CCDC171: variants seen among roughly 807,000 people sequenced by gnomAD.
CCDC171 encodes coiled-coil domain-containing protein 171.
CCDC171 carries 177 observed loss-of-function variants against 168.2 expected under a neutral mutation model. The observed-to-expected ratio is 1.05, with a 90% CI of 0.93 to 1.19. CCDC171 has a LOEUF of 1.19. Among genes scored for constraint, CCDC171 ranks in the 50% most tolerant of loss-of-function variants. The pLI is 0.00. For synonymous variants in CCDC171, 687 were observed against 540.8 expected (o/e 1.27, Z -3.75); for missense variants, 1,991 against 1,539.0 (o/e 1.29, Z -4.91).
At chr9:15,798,432 G>GT (rs763348236) in intron 21 of CCDC171, among the ~76,000 whole-genome samples, 4 of 150,990 alleles carry the variant, frequency 2.6e-5, no homozygotes, top group African/African-American at 7.3e-5. Flanking sequence ...CTTTTTTTTA[G>GT]TTTTTTAAAA....
In CCDC171 at chr9:15,650,827, C is replaced by T. The variant is rs865858479; in HGVS notation, c.823-6300C>T. Among the ~76,000 whole-genome samples the T allele has an allele frequency of 1.8e-4, 28 of 151,958 alleles. 1 individual carries two copies. Among genetic ancestry groups the T allele is most frequent in the Admixed American group, 6.6e-4 (10 of 15,266 alleles). On this transcript the variant is annotated intron_variant, in intron 7 of 25. Coordinates refer to ENST00000380701, the MANE Select transcript of CCDC171 (RefSeq NM_173550.4). ...TCAAGTCACTAGTTAGGCTATTCAT[C>T]ATCTTGAACATTGATCATTTCTATG...
chr9:15,953,787 G>C (rs1288565911), intron 25 of CCDC171, among the ~76,000 whole-genome samples: 1 of 152,116 alleles, frequency 6.6e-6, no homozygotes, highest in Non-Finnish European at 1.5e-5. Flanking sequence ...GAATTTATCA[G>C]TGAAGCCATT....
At chr9:15,679,620 G>A (rs1009070619) in intron 10 of CCDC171, among the ~76,000 whole-genome samples, 16 of 152,282 alleles carry the variant, frequency 1.1e-4, no homozygotes, top group Admixed American at 3.3e-4. Flanking sequence ...TGCAACCCTA[G>A]CTCACTGAAA....
Position 15,591,524 on chromosome 9 carries a change from A to G in CCDC171, c.511A>G (p.Lys171Glu), listed in dbSNP as rs767394379. 4 of 1,588,260 alleles carry G rather than the reference A, an allele frequency of 2.5e-6. No homozygotes were observed. The South Asian group carries it at 4.7e-5, about 19-fold the overall frequency. ...NCNREYDLLM[K>E]EKSRLEKTLQ... is the part of the protein sequence containing the mutation. ...CAATCGAGAATATGATTTACTTATGAAAGAAAAAAGCAGACTAGAGAAAAC... is the reference window on the plus strand; with the variant it reads ...CAATCGAGAATATGATTTACTTATGGAAGAAAAAAGCAGACTAGAGAAAAC... The change falls in exon 5 of 26, where the codon AAA (lysine) becomes GAA (glutamate). Residue 171 changes from lysine (K) to glutamate (E), a missense_variant. By Grantham distance (56) the Lys-to-Glu change is moderately conservative. Transcript: ENST00000380701.
At chr9:15,877,798 A>G (rs1818056207) in intron 24 of CCDC171, among the ~76,000 whole-genome samples, 1 of 152,154 alleles carries the variant, frequency 6.6e-6, no homozygotes. Flanking sequence ...CCTATTATTC[A>G]TTATCTTATA....
chr9:15,772,655 T>C (rs1210114057), intron 18 of CCDC171, among the ~76,000 whole-genome samples: 2 of 152,160 alleles, frequency 1.3e-5, no homozygotes, highest in South Asian at 2.1e-4. Flanking sequence ...TTTTGAGCCA[T>C]GTTTTAAGGA....
At position 15,600,661 on chromosome 9, in the gene CCDC171, G is replaced by A. The variant is rs543254382; in HGVS notation, c.675+6489G>A. ...TGGGAGAACTGCTACTCTCTTCAAA[G>A]CTGTCAGACAGGGACATTTAAGTCT... On this transcript the variant is annotated intron_variant, in intron 6 of 25. Coordinates refer to ENST00000380701, the MANE Select transcript of CCDC171 (RefSeq NM_173550.4). 2.0e-5 allele frequency among the ~76,000 whole-genome samples: 3 copies of A among 152,320 alleles called. No individual in the cohort carries two copies. The East Asian group carries it at 5.8e-4, about 29-fold the overall frequency.
chr9:15,634,126 G>T (rs968741798), intron 7 of CCDC171, among the ~76,000 whole-genome samples: 3 of 151,954 alleles, frequency 2.0e-5, no homozygotes, highest in Non-Finnish European at 4.4e-5. Flanking sequence ...GTTTACATAT[G>T]TAACTAACCT....
At chr9:15,656,453 A>G (rs1485404151) in intron 7 of CCDC171, among the ~76,000 whole-genome samples, 3 of 152,220 alleles carry the variant, frequency 2.0e-5, no homozygotes, top group Non-Finnish European at 4.4e-5. Flanking sequence ...TAGCAGCTTT[A>G]TTTGTAATTG....
intron 24 of CCDC171, among the ~76,000 whole-genome samples, chr9:15,890,441 A>C (rs2131480714): frequency 6.6e-6 from 1 of 152,202 alleles, no homozygotes. Context: ...CTGGAGTTTG[A>C]GTCTCATCCA....
chr9:16,061,209 G>A (rs1833927141), exon 2 of CCDC171: 1 of 152,188 alleles, frequency 6.6e-6, no homozygotes, highest in African/African-American at 2.4e-5. Context: ...ATTCTATAGG[G>A]ATGATGAAAG....
intron 18 of CCDC171, among the ~76,000 whole-genome samples, chr9:15,772,532 T>A (rs1428637986): frequency 6.6e-6 from 1 of 152,226 alleles, no homozygotes; most frequent in Non-Finnish European, 1.5e-5. Context: ...GAGGGAATGC[T>A]TTAAGATTGT....
chr9:16,050,171 G>A (rs917357959), intron 1 of CCDC171, among the ~76,000 whole-genome samples: 1 of 151,882 alleles, frequency 6.6e-6, no homozygotes, highest in African/African-American at 2.4e-5. Flanking sequence ...ACAGGCATGA[G>A]CCACCGCACC....
intron 24 of CCDC171, among the ~76,000 whole-genome samples, chr9:15,918,877 A>G (rs148917106): frequency 0.013 from 1,909 of 151,714 alleles, 14 homozygotes; most frequent in Middle Eastern, 0.045. Context: ...ATATGGTTTC[A>G]ACTTATGGTT....
chr9:15,998,035 G>A (rs1018392246), intron 3 of CCDC171, among the ~76,000 whole-genome samples: 1 of 152,090 alleles, frequency 6.6e-6, no homozygotes, highest in Non-Finnish European at 1.5e-5. Flanking sequence ...TCCTTATCAT[G>A]TCTGTTGATA....
At chr9:15,793,594 A>T (rs2382539) in intron 21 of CCDC171, among the ~76,000 whole-genome samples, 56,144 of 118,862 alleles carry the variant, frequency 0.47, 12,869 homozygotes, top group East Asian at 0.69. Context: ...ACAGAGTCTC[A>T]CTCTCTTCCC....
chr9:15,654,594 AC>A (rs908009357), intron 7 of CCDC171, among the ~76,000 whole-genome samples: 15 of 152,326 alleles, frequency 9.8e-5, no homozygotes, highest in African/African-American at 3.6e-4. Flanking sequence ...TTGTCTGTAA[AC>A]AAAAAGAAAT....
intron 25 of CCDC171, among the ~76,000 whole-genome samples, chr9:15,921,688 T>G (rs1300352470): frequency 6.6e-6 from 1 of 151,652 alleles, no homozygotes; most frequent in Admixed American, 6.6e-5. Context: ...GTGAGTTCAG[T>G]TTTTAAAATG....
At chr9:16,082,949 A>G in the CCDC171 span, among the ~76,000 whole-genome samples, 3 of 152,222 alleles carry the variant, frequency 2.0e-5, no homozygotes, top group African/African-American at 7.2e-5. Flanking sequence ...CTGCTGCCAT[A>G]CAAATTTTGC....
Sources: gnomAD v4.1 joint callset for allele counts (sites outside exome capture counted in the v4.1 genomes callset) on GRCh38, gnomAD v4.1.1 for gene constraint, MANE v1.5 for transcripts, NCBI Gene and HGNC (gene_info 2026-07-23, HGNC 2026-07-21) for gene names.